Variants in GASK1B observed in about 807,000 individuals in gnomAD.
GASK1B encodes Golgi-associated kinase 1B.
Under a neutral mutation model 42.8 loss-of-function variants are expected in GASK1B, and 34 were observed. The ratio of observed to expected loss-of-function variants is 0.79; its 90% CI spans 0.60 to 1.06. The LOEUF (loss-of-function observed/expected upper bound fraction) is 1.06. Among genes scored for constraint, GASK1B ranks in the 50% least tolerant of loss-of-function variants. The pLI, the probability that GASK1B is intolerant of heterozygous loss-of-function variation, is 0.00. For synonymous variants in GASK1B, 262 were observed against 259.1 expected, an observed-to-expected ratio of 1.01 and a Z score of -0.11; for missense variants, 686 against 661.0, an observed-to-expected ratio of 1.04 and a Z score of -0.42.
intron 2 of GASK1B, among the ~76,000 whole-genome samples, chr4:158,165,966 T>A (rs1358555371): frequency 6.6e-6 from 1 of 152,222 alleles, no homozygotes; most frequent in Non-Finnish European, 1.5e-5. Flanking sequence ...TTGTCACAAT[T>A]GAAAAATACT....
intron 3 of GASK1B, among the ~76,000 whole-genome samples, chr4:158,142,111 A>T (rs1731158575): frequency 7.0e-6 from 1 of 142,154 alleles, no homozygotes; most frequent in African/African-American, 2.6e-5. Context: ...CGCCCGGCTA[A>T]TTTTTTGTAT....
At chr4:158,156,658 T>A (rs1241046874) in intron 2 of GASK1B, among the ~76,000 whole-genome samples, 1 of 152,192 alleles carries the variant, frequency 6.6e-6, no homozygotes, top group African/African-American at 2.4e-5. Context: ...AACAACACTT[T>A]AAGCTTAAAA....
chr4:158,129,474 T>A (rs1730589261), intron 4 of GASK1B, among the ~76,000 whole-genome samples: 1 of 152,180 alleles, frequency 6.6e-6, no homozygotes. Context: ...ACTTATAAAA[T>A]CATGTCTCAT....
chr4:158,171,148 G>C lies in GASK1B; in HGVS notation c.228C>G (p.Thr76=). The C allele has an allele frequency of 6.2e-7, 1 of 1,608,156 alleles. No individual in the cohort carries two copies. Among genetic ancestry groups the C allele is most frequent in the Non-Finnish European group, 8.5e-7 (1 of 1,175,672 alleles). ...GTATCTCAGGGAAGGATGGCTCGGC[G>C]GTGTCGCGGCTGCGATGTGGCCCCT... ...AEKGPHRSRD[T]AEPSFPEIPL... Residue 76 remains threonine (T), a synonymous_variant, in exon 2 of 5, where the codon ACC becomes ACG. Transcript: ENST00000585682.
Position 158,127,514 on chromosome 4 carries a change from C to T in GASK1B, c.1453G>A (p.Gly485Ser), listed in dbSNP as rs761732367. Residue 485 changes from glycine (G) to serine (S), a missense_variant, in exon 5 of 5, where the codon GGT becomes AGT. Transcript: ENST00000585682. Reference protein sequence around the residue: ...LDKVYWESQGGRQGIEKLIDV... With the variant: ...LDKVYWESQGSRQGIEKLIDV... ...ATAAGCTTTTCAATTCCTTGTCTAC[C>T]TCCTTGACTTTCCCAATACACTTTA... 2.8e-5 allele frequency: 45 copies of T among 1,613,736 alleles called. No homozygotes were observed. The South Asian group carries it at 4.6e-4, about 17-fold the overall frequency.
intron 3 of GASK1B, among the ~76,000 whole-genome samples, chr4:158,147,602 C>T (rs116728925): frequency 7.9e-6 from 1 of 126,334 alleles, no homozygotes; most frequent in Admixed American, 9.2e-5. Flanking sequence ...GACTCTGTGA[C>T]TCTGTCCCAA....
intron 3 of GASK1B, among the ~76,000 whole-genome samples, chr4:158,154,505 C>T (rs551189092): frequency 1.3e-5 from 2 of 152,290 alleles, no homozygotes; most frequent in South Asian, 2.1e-4. Flanking sequence ...AATCCCACTA[C>T]TGTGTATCTA....
chr4:158,134,322 A>C (rs533934810), intron 3 of GASK1B, among the ~76,000 whole-genome samples: 1 of 152,346 alleles, frequency 6.6e-6, no homozygotes, highest in East Asian at 1.9e-4. Flanking sequence ...TGGTTTTAAT[A>C]TACTTGTTTA....
intron 2 of GASK1B, among the ~76,000 whole-genome samples, chr4:158,161,120 A>G (rs1193887299): frequency 6.6e-6 from 1 of 152,170 alleles, no homozygotes; most frequent in East Asian, 1.9e-4. Context: ...ACCCAAAAAA[A>G]ATCATCCTAT....
intron 2 of GASK1B, among the ~76,000 whole-genome samples, chr4:158,158,890 A>C (rs1166068421): frequency 6.6e-6 from 1 of 152,110 alleles, no homozygotes; most frequent in African/African-American, 2.4e-5. Flanking sequence ...TTAGTTCACA[A>C]AATAAAAATG....
chr4:158,142,801 G>C (rs567934688), intron 3 of GASK1B, among the ~76,000 whole-genome samples: 1 of 152,222 alleles, frequency 6.6e-6, no homozygotes, highest in African/African-American at 2.4e-5. Flanking sequence ...CATAGACAAA[G>C]GAAGCGCAAA....
At chr4:158,166,577 A>G (rs1432869722) in intron 2 of GASK1B, among the ~76,000 whole-genome samples, 1 of 152,208 alleles carries the variant, frequency 6.6e-6, no homozygotes, top group African/African-American at 2.4e-5. Flanking sequence ...GTCCCCAGGC[A>G]TAATGACATC....
At chr4:158,141,984 C>T (rs1731150448) in intron 3 of GASK1B, among the ~76,000 whole-genome samples, 1 of 102,608 alleles carries the variant, frequency 9.7e-6, no homozygotes, top group East Asian at 3.0e-4. Context: ...GTCGCCCAGG[C>T]CGGACTGCGG....
chr4:158,168,113 A>G (rs1732299342), intron 2 of GASK1B, among the ~76,000 whole-genome samples: 1 of 152,212 alleles, frequency 6.6e-6, no homozygotes, highest in Admixed American at 6.5e-5. Context: ...GTGACTCTAA[A>G]TGACTAAGTA....
chr4:158,141,597 CTT>C (rs199530247), intron 3 of GASK1B, among the ~76,000 whole-genome samples: 88,692 of 113,604 alleles, frequency 0.78, 37,969 homozygotes, highest in East Asian at 0.91. Flanking sequence ...TTGTATTTAC[CTT>C]TTTTTTTTTT....
intron 3 of GASK1B, among the ~76,000 whole-genome samples, chr4:158,148,674 G>T (rs1395012527): frequency 6.6e-6 from 1 of 152,126 alleles, no homozygotes; most frequent in Non-Finnish European, 1.5e-5. Context: ...GTCTTGCAGA[G>T]ACCTCAACCT....
At chr4:158,143,161 T>A (rs1389409870) in intron 3 of GASK1B, among the ~76,000 whole-genome samples, 1 of 152,184 alleles carries the variant, frequency 6.6e-6, no homozygotes, top group African/African-American at 2.4e-5. Context: ...TGAAATAATA[T>A]AATGCCAATT....
chr4:158,170,210 G>A (rs1369258474), intron 2 of GASK1B: 1 of 1,603,948 alleles, frequency 6.2e-7, no homozygotes, highest in Non-Finnish European at 8.5e-7. Context: ...GTGAAGCGAG[G>A]GAAATGGAGA....
chr4:158,162,778 C>T (rs544704490), intron 2 of GASK1B, among the ~76,000 whole-genome samples: 41 of 152,232 alleles, frequency 2.7e-4, no homozygotes, highest in Admixed American at 7.8e-4. Context: ...AGGGATCAGG[C>T]GACAAGGCAA....
Sources: allele counts gnomAD v4.1 joint callset (sites outside exome capture counted in the v4.1 genomes callset), GRCh38; gene constraint gnomAD v4.1.1; transcripts MANE v1.5; gene names NCBI Gene and HGNC (gene_info 2026-07-23, HGNC 2026-07-21).